Variants in FABP6 observed in about 807,000 individuals in gnomAD.
FABP6 encodes the protein gastrotropin.
In FABP6, 13 loss-of-function variants were observed where a neutral mutation model predicts 14.9. The observed-to-expected ratio is 0.87, with a 90% confidence interval of 0.57 to 1.39. FABP6 has a LOEUF of 1.39. FABP6 is among the 40% of genes most tolerant of loss of function. The pLI is 0.00. For synonymous variants in FABP6, 75 were observed against 63.6 expected, an observed-to-expected ratio of 1.18 and a Z score of -0.85; for missense variants, 161 against 167.2, an observed-to-expected ratio of 0.96 and a Z score of 0.20.
At chr5:160,230,551 G>A (rs780241890) in intron 1 of FABP6, among the ~76,000 whole-genome samples, 14 of 151,730 alleles carry the variant, frequency 9.2e-5, no homozygotes, top group African/African-American at 2.7e-4. Context: ...CAGTAGAGAC[G>A]GGGTATCACC....
chr5:160,226,321 G>C (rs1447856579), upstream of FABP6, among the ~76,000 whole-genome samples: 1 of 151,906 alleles, frequency 6.6e-6, no homozygotes. Context: ...CCAGCACTTT[G>C]GGAGGCCGAG....
intron 3 of FABP6, among the ~76,000 whole-genome samples, chr5:160,214,412 A>G (rs973571928): frequency 2.0e-5 from 3 of 151,532 alleles, no homozygotes; most frequent in African/African-American, 7.3e-5. Context: ...CAGTCCTCTC[A>G]CCTCAGCCTC....
At chr5:160,191,817 A>G (rs1295186289) in intron 1 of FABP6, among the ~76,000 whole-genome samples, 1 of 149,530 alleles carries the variant, frequency 6.7e-6, no homozygotes, top group Non-Finnish European at 1.5e-5. Context: ...AAAAAAAAAA[A>G]AAAAAATTAG....
intron 2 of FABP6, among the ~76,000 whole-genome samples, chr5:160,202,955 G>T (rs1275113767): frequency 6.6e-6 from 1 of 151,352 alleles, no homozygotes; most frequent in East Asian, 2.0e-4. Context: ...AGACTAGAGT[G>T]CAATGGCTTG....
At chr5:160,208,795 T>C (rs1260578619) in intron 2 of FABP6, among the ~76,000 whole-genome samples, 2 of 139,366 alleles carry the variant, frequency 1.4e-5, no homozygotes, top group African/African-American at 5.3e-5. Flanking sequence ...TTTTTTTTTT[T>C]GTAGGGAGTC....
intron 2 of FABP6, among the ~76,000 whole-genome samples, chr5:160,210,617 C>T (rs959658574): frequency 5.3e-5 from 8 of 152,190 alleles, no homozygotes; most frequent in African/African-American, 1.7e-4. Flanking sequence ...CGAAGACCTG[C>T]ACAGCCTGCT....
At chr5:160,212,671 G>A (rs191186853) in intron 2 of FABP6, among the ~76,000 whole-genome samples, 2 of 151,504 alleles carry the variant, frequency 1.3e-5, no homozygotes, top group African/African-American at 4.9e-5. Flanking sequence ...GGGTTTCACC[G>A]TGTTAGCCAG....
chr5:160,225,184 C>A (rs1580918763), upstream of FABP6, among the ~76,000 whole-genome samples: 2 of 151,850 alleles, frequency 1.3e-5, no homozygotes, highest in African/African-American at 4.8e-5. Flanking sequence ...GCAACATCCA[C>A]CACCTGGGTT....
intron 3 of FABP6, among the ~76,000 whole-genome samples, chr5:160,224,119 C>A (rs897227519): frequency 1.3e-5 from 2 of 151,930 alleles, no homozygotes; most frequent in Non-Finnish European, 2.9e-5. Context: ...GCCTGTAGTC[C>A]CAGCTACTCA....
intron 1 of FABP6, among the ~76,000 whole-genome samples, chr5:160,189,393 C>G (rs1176067073): frequency 6.6e-6 from 1 of 152,090 alleles, no homozygotes; most frequent in East Asian, 1.9e-4. Context: ...AGGCGCCCAC[C>G]ACCACACCCG....
Position 160,238,618 on chromosome 5 carries a change from G to T in FABP6, c.346G>T (p.Gly116Ter), listed in dbSNP as rs369110932. ...CTGCTTCTTTCAGGTCTCCACCATC[G>T]GAGGCGTGACCTATGAGCGCGTGAG... ...GDKLVEVSTI[G>*]GVTYERVSKR... is the part of the protein sequence containing the mutation. The change falls in exon 4 of 4, where the codon GGA becomes TGA. Residue 116 changes from glycine to a stop codon, truncating the protein, a stop_gained. Transcript: ENST00000402432. LOFTEE classifies it high-confidence loss of function. 2.1e-4 allele frequency: 346 copies of T among 1,613,902 alleles called. No individual in the cohort carries two copies. The highest frequency in any genetic ancestry group is 2.8e-4 in the Non-Finnish European group (331 of 1,179,896).
upstream of FABP6, among the ~76,000 whole-genome samples, chr5:160,225,561 C>T (rs995699087): frequency 1.3e-5 from 2 of 151,908 alleles, no homozygotes; most frequent in African/African-American, 4.8e-5. Context: ...GCTACCATGT[C>T]CAGCTAATTT....
Position 160,234,802 on chromosome 5 carries a change from G to A in FABP6, c.244-18G>A, listed in dbSNP as rs1267998349. The stretch of plus-strand genomic sequence containing the variant: ...TCACCTGCAACAACCCAGGCTTAAT[G>A]TTGTGCTTCCATTCCAGGCCACTGT... On this transcript the variant is annotated intron_variant, in intron 2 of 3. Transcript: ENST00000402432. The A allele has an allele frequency of 3.8e-6, 6 of 1,592,622 alleles. No individual in the cohort carries two copies. Among genetic ancestry groups the A allele is most frequent in the Non-Finnish European group, 5.1e-6 (6 of 1,168,192 alleles).
intron 2 of FABP6, among the ~76,000 whole-genome samples, chr5:160,203,533 AT>A (rs372676101): frequency 2.7e-5 from 4 of 150,812 alleles, no homozygotes; most frequent in Admixed American, 6.6e-5. Flanking sequence ...TGCTCACCTC[AT>A]TTTTTTTTCT....
At chr5:160,199,442 G>A (rs949957425) in intron 2 of FABP6, among the ~76,000 whole-genome samples, 5 of 152,122 alleles carry the variant, frequency 3.3e-5, no homozygotes, top group East Asian at 1.9e-4. Flanking sequence ...GGTGGGGACC[G>A]GGGCAGCCCC....
chr5:160,206,911 T>G (rs1374996500), intron 2 of FABP6, among the ~76,000 whole-genome samples: 1 of 152,156 alleles, frequency 6.6e-6, no homozygotes, highest in Non-Finnish European at 1.5e-5. Flanking sequence ...GTTTCCACCT[T>G]CAAAGGCGAA....
chr5:160,214,957 C>G (rs1759981714), intron 3 of FABP6, among the ~76,000 whole-genome samples: 1 of 152,140 alleles, frequency 6.6e-6, no homozygotes, highest in African/African-American at 2.4e-5. Flanking sequence ...TGTCCCTGGT[C>G]ACCATCTCAG....
intron 2 of FABP6, among the ~76,000 whole-genome samples, chr5:160,208,342 G>T (rs1299165066): frequency 6.6e-6 from 1 of 152,044 alleles, no homozygotes; most frequent in Non-Finnish European, 1.5e-5. Context: ...GGAGGCTGAG[G>T]TGGGAGGATC....
intron 2 of FABP6, 71 bp from the exon 3 acceptor site, chr5:160,234,749 C>T (rs550706781): frequency 2.3e-5 from 30 of 1,276,990 alleles, no homozygotes; most frequent in East Asian, 2.3e-4. Context: ...TCTTACTGCC[C>T]GCGCCACCAG....
Sources: allele counts gnomAD v4.1 joint callset (sites outside exome capture counted in the v4.1 genomes callset), GRCh38; gene constraint gnomAD v4.1.1; transcripts MANE v1.5; gene names NCBI Gene and HGNC (gene_info 2026-07-23, HGNC 2026-07-21).